Variants in PTPN3 observed in about 807,000 individuals in gnomAD.
PTPN3 encodes the protein tyrosine-protein phosphatase non-receptor type 3.
PTPN3 carries 96 observed loss-of-function variants against 132.7 expected under a neutral mutation model. That is an observed-to-expected ratio of 0.72 (90% CI 0.61 to 0.86). PTPN3 has a LOEUF of 0.86. Ranked by LOEUF, PTPN3 falls within the 40% of genes least tolerant of loss-of-function variation. PTPN3 has a pLI of 0.00. For synonymous variants in PTPN3, 398 were observed against 429.0 expected, an observed-to-expected ratio of 0.93 and a Z score of 0.89; for missense variants, 1,125 against 1,159.6, an observed-to-expected ratio of 0.97 and a Z score of 0.43.
At chr9:109,476,381 A>C (rs74952317) in intron 1 of PTPN3, among the ~76,000 whole-genome samples, 3 of 151,990 alleles carry the variant, frequency 2.0e-5, no homozygotes, top group Admixed American at 6.5e-5. Context: ...AAAAAAAAAA[A>C]CAGTAAAAAG....
At chr9:109,462,032 ATGTT>A (rs1200095484) in intron 2 of PTPN3, among the ~76,000 whole-genome samples, 1 of 151,498 alleles carries the variant, frequency 6.6e-6, no homozygotes, top group East Asian at 1.9e-4. Context: ...TGTTACAACA[ATGTT>A]TCCCACCTAC....
chr9:109,473,061 T>C (rs1846456986), intron 1 of PTPN3, among the ~76,000 whole-genome samples: 1 of 152,234 alleles, frequency 6.6e-6, no homozygotes, highest in South Asian at 2.1e-4. Flanking sequence ...TAATACCTTT[T>C]ATGAAAAAAT....
At chr9:109,447,545 A>G (rs758066974) in intron 6 of PTPN3, among the ~76,000 whole-genome samples, 2 of 152,066 alleles carry the variant, frequency 1.3e-5, no homozygotes, top group African/African-American at 2.4e-5. Flanking sequence ...AGGATGAGCT[A>G]AGTGATGAGA....
intron 19 of PTPN3, among the ~76,000 whole-genome samples, chr9:109,398,651 C>G (rs113811579): frequency 6.6e-6 from 1 of 152,102 alleles, no homozygotes. Context: ...TCCTCATTTT[C>G]GAGCTCTTAA....
chr9:109,477,028 C>A (rs955118042), intron 1 of PTPN3, among the ~76,000 whole-genome samples: 1 of 152,124 alleles, frequency 6.6e-6, no homozygotes. Context: ...TTGGGAGACT[C>A]GACTCAGAAC....
the PTPN3 span, among the ~76,000 whole-genome samples, chr9:109,513,258 G>T: frequency 6.6e-6 from 1 of 152,076 alleles, no homozygotes; most frequent in South Asian, 2.1e-4. Context: ...GGCCTCAAAT[G>T]ATCCTCCTGC....
At position 109,457,180 on chromosome 9, in the gene PTPN3, C is replaced by A; in HGVS notation, c.282G>T (p.Gln94His). ...TGAAAAGATCACACCAACCTTTTAA[C>A]TGCTTCCTGATGGCTTTGCTTGCTT... ...WLEASKAIRK[Q>H]LKGGFPCTLH... Residue 94 changes from glutamine to histidine, a missense_variant, in exon 4 of 26, where the codon CAG (glutamine) becomes CAT (histidine). Coordinates refer to ENST00000374541, the MANE Select transcript of PTPN3 (RefSeq NM_002829.4). The A allele has an allele frequency of 6.2e-7, 1 of 1,613,984 alleles. No individual in the cohort carries two copies. The highest frequency in any genetic ancestry group is 8.5e-7 in the Non-Finnish European group (1 of 1,179,816).
chr9:109,455,456 C>T (rs998651626), intron 4 of PTPN3, among the ~76,000 whole-genome samples: 3 of 152,184 alleles, frequency 2.0e-5, no homozygotes, highest in African/African-American at 7.2e-5. Context: ...GCTAGATCTC[C>T]TCCTCTACCT....
chr9:109,420,737 A>G, intron 13 of PTPN3, 137 bp from the exon 14 acceptor site: 1 of 879,614 alleles, frequency 1.1e-6, no homozygotes, highest in Non-Finnish European at 1.7e-6. Context: ...AGAGCCGGTT[A>G]ACTCATTACT....
the PTPN3 span, among the ~76,000 whole-genome samples, chr9:109,512,394 C>T: frequency 2.0e-5 from 3 of 152,220 alleles, no homozygotes; most frequent in African/African-American, 2.4e-5. Context: ...GGCAGCCAAA[C>T]ACACTTTTCT....
At chr9:109,445,475 A>C (rs1844790395) in intron 6 of PTPN3, among the ~76,000 whole-genome samples, 183 bp from the exon 7 acceptor site, 1 of 152,204 alleles carries the variant, frequency 6.6e-6, no homozygotes, top group African/African-American at 2.4e-5. Context: ...AATACACTAA[A>C]ATTTTTTAAA....
rs1838564176 is a variant in PTPN3, at chr9:109,376,404, G to A, written c.*3152C>T. The A allele has an allele frequency of 6.6e-6, 1 of 152,162 alleles. No homozygotes were observed. Among genetic ancestry groups the A allele is most frequent in the African/African-American group, 2.4e-5 (1 of 41,448 alleles). 9.4% of individuals were successfully genotyped at this position (152,162 alleles called of 1,614,324 possible). A position where few individuals can be genotyped will look rare whatever the true frequency, so the allele number is the denominator to read the frequency against. ...GTCAGGTAGCAACACAGCAGCAATA[G>A]TATCCACACTAATCTAAAAGCATAT... On this transcript the variant is annotated 3_prime_UTR_variant, in exon 26 of 26. Coordinates refer to ENST00000374541, the MANE Select transcript of PTPN3 (RefSeq NM_002829.4).
chr9:109,531,943 T>C, the PTPN3 span, among the ~76,000 whole-genome samples: 3 of 152,230 alleles, frequency 2.0e-5, no homozygotes, highest in Non-Finnish European at 4.4e-5. Context: ...GAGAACTCAA[T>C]TGAAATGTGT....
intron 1 of PTPN3, among the ~76,000 whole-genome samples, chr9:109,484,515 C>A (rs1167966347): frequency 2.0e-5 from 3 of 152,226 alleles, no homozygotes; most frequent in Non-Finnish European, 4.4e-5. Flanking sequence ...AAGTGAGGAA[C>A]AGCCACTTGG....
intron 4 of PTPN3, among the ~76,000 whole-genome samples, chr9:109,456,941 C>A (rs1462121864): frequency 1.3e-5 from 2 of 152,094 alleles, no homozygotes; most frequent in Non-Finnish European, 2.9e-5. Flanking sequence ...TCTGAGCTGC[C>A]TACTCTCACC....
intron 1 of PTPN3, among the ~76,000 whole-genome samples, chr9:109,478,870 G>A (rs781625580): frequency 9.2e-5 from 14 of 152,204 alleles, no homozygotes; most frequent in Non-Finnish European, 1.8e-4. Context: ...GTTACCACAT[G>A]TGTTTCTGAG....
chr9:109,381,584 CTCT>C, intron 25 of PTPN3, 65 bp downstream of exon 25: 1 of 1,578,030 alleles, frequency 6.3e-7, no homozygotes, highest in East Asian at 2.2e-5. Flanking sequence ...CAAAGCCCTT[CTCT>C]CAGGCCTGCC....
the PTPN3 span, among the ~76,000 whole-genome samples, chr9:109,506,823 A>C: frequency 6.6e-6 from 1 of 152,000 alleles, no homozygotes; most frequent in Non-Finnish European, 1.5e-5. Context: ...GGCTGGTGTC[A>C]AACTCCTGAG....
chr9:109,422,570 T>G, intron 13 of PTPN3, 148 bp downstream of exon 13: 1 of 922,134 alleles, frequency 1.1e-6, no homozygotes, highest in Non-Finnish European at 1.6e-6. Flanking sequence ...ACTTGTGTAC[T>G]TCATGAAAAC....
Sources: allele counts gnomAD v4.1 joint callset (sites outside exome capture counted in the v4.1 genomes callset), GRCh38; gene constraint gnomAD v4.1.1; transcripts MANE v1.5; gene names NCBI Gene and HGNC (gene_info 2026-07-23, HGNC 2026-07-21).